Variants in TMEM132C observed in about 807,000 individuals in gnomAD.
TMEM132C encodes transmembrane protein 132C, also known as protein phosphatase 1, regulatory subunit 152.
In TMEM132C, 29 loss-of-function variants were observed where a neutral mutation model predicts 61.4. The ratio of observed to expected loss-of-function variants is 0.47; its 90% CI spans 0.35 to 0.64. The LOEUF is 0.64. Among genes scored for constraint, TMEM132C ranks in the 30% least tolerant of loss-of-function variants. TMEM132C has a pLI of 0.00. For missense variants in TMEM132C, 1,408 were observed against 1,476.9 expected, an observed-to-expected ratio of 0.95 and a Z score of 0.76; for synonymous variants, 656 against 633.1, an observed-to-expected ratio of 1.04 and a Z score of -0.54.
At position 128,566,189 on chromosome 12, in the gene TMEM132C, C is replaced by CAAAAAAAAAAAAAAAAAAA. The variant is rs59258589; in HGVS notation, c.1121+22104_1121+22105insAAAAAAAAAAAAAAAAAAA. 8.6e-4 allele frequency among the ~76,000 whole-genome samples: 58 copies of CAAAAAAAAAAAAAAAAAAA among 67,822 alleles called. 4 individuals are homozygous for CAAAAAAAAAAAAAAAAAAA. Among genetic ancestry groups the CAAAAAAAAAAAAAAAAAAA allele is most frequent in the East Asian group, 2.7e-3 (6 of 2,188 alleles). The allele number at this position is 67,822 out of a possible 152,430, so 44.5% of individuals were successfully genotyped here. The stretch of plus-strand genomic sequence containing the variant: ...ATAGGCATGAGACACCAAGCCTAAC[C>CAAAAAAAAAAAAAAAAAAA]AAAAAAAAAAAAAAAAAAGTTTTAA... On this transcript the variant is annotated intron_variant, in intron 3 of 8. Transcript: ENST00000435159.
At chr12:128,623,477 A>T (rs1953986687) in intron 4 of TMEM132C, among the ~76,000 whole-genome samples, 1 of 151,260 alleles carries the variant, frequency 6.6e-6, no homozygotes, top group Non-Finnish European at 1.5e-5. Context: ...CCAAAAAAAA[A>T]AGTAAAGCTA....
rs1018611586 is a variant in TMEM132C, at chr12:128,622,118, C to T, written c.1305+5783C>T. Among the ~76,000 whole-genome samples, 29 of 151,580 alleles carry T rather than the reference C, an allele frequency of 1.9e-4. No homozygotes were observed. The East Asian group carries it at 4.9e-3, about 26-fold the overall frequency. On this transcript the variant is annotated intron_variant, in intron 4 of 8. Coordinates refer to ENST00000435159, the MANE Select transcript of TMEM132C (RefSeq NM_001136103.3). ...CAGCACTTTGGGAAGCTGAGGTGGG[C>T]GAATCAACTGAGGTCAGGAGTTCAA... is the stretch of plus-strand genomic sequence containing the variant.
At chr12:128,681,567 C>A (rs1342195722) in intron 5 of TMEM132C, among the ~76,000 whole-genome samples, 2 of 151,946 alleles carry the variant, frequency 1.3e-5, no homozygotes, top group Non-Finnish European at 2.9e-5. Context: ...GACTTTCCAT[C>A]ACTTGGCTTA....
At chr12:128,293,258 C>G (rs1449097090) in intron 1 of TMEM132C, among the ~76,000 whole-genome samples, 3 of 152,144 alleles carry the variant, frequency 2.0e-5, no homozygotes, top group Admixed American at 6.5e-5. Flanking sequence ...TCTCAGGGGG[C>G]CGTTTCATTG....
intron 2 of TMEM132C, among the ~76,000 whole-genome samples, chr12:128,435,350 A>T (rs1375203381): frequency 1.3e-5 from 2 of 152,220 alleles, no homozygotes. Context: ...GGAAAAGAGG[A>T]AGTCAAATTG....
At chr12:128,690,862 C>T (rs1233003125) in intron 5 of TMEM132C, among the ~76,000 whole-genome samples, 1 of 152,182 alleles carries the variant, frequency 6.6e-6, no homozygotes, top group African/African-American at 2.4e-5. Flanking sequence ...TCTCTCAGCC[C>T]AGCCCTCACC....
chr12:128,284,016 C>G (rs1870980222), intron 1 of TMEM132C, among the ~76,000 whole-genome samples: 1 of 152,120 alleles, frequency 6.6e-6, no homozygotes, highest in Non-Finnish European at 1.5e-5. Context: ...TAGAAGAATC[C>G]TATAAAGTTC....
chr12:128,391,631 A>G (rs1381815412), intron 1 of TMEM132C, among the ~76,000 whole-genome samples: 1 of 152,210 alleles, frequency 6.6e-6, no homozygotes, highest in Non-Finnish European at 1.5e-5. Context: ...TGAACTATCC[A>G]TCATGAACCA....
chr12:128,593,652 T>G (rs970483639), intron 3 of TMEM132C, among the ~76,000 whole-genome samples: 3 of 152,196 alleles, frequency 2.0e-5, no homozygotes, highest in Non-Finnish European at 4.4e-5. Context: ...GGCATTGTTT[T>G]GAGGACTGTG....
chr12:128,617,319 T>C (rs1354821088), intron 4 of TMEM132C, among the ~76,000 whole-genome samples: 1 of 152,214 alleles, frequency 6.6e-6, no homozygotes, highest in Non-Finnish European at 1.5e-5. Flanking sequence ...AATGCCACGC[T>C]GGCTTCTTCA....
At chr12:128,618,186 TAA>T (rs2135585204) in intron 4 of TMEM132C, among the ~76,000 whole-genome samples, 1 of 152,320 alleles carries the variant, frequency 6.6e-6, no homozygotes, top group Non-Finnish European at 1.5e-5. Context: ...TTCAGAAGGA[TAA>T]GACATTCAAA....
intron 1 of TMEM132C, among the ~76,000 whole-genome samples, chr12:128,296,809 CTA>C (rs1374267105): frequency 1.3e-5 from 2 of 152,128 alleles, no homozygotes; most frequent in Non-Finnish European, 2.9e-5. Context: ...TTTAGCAAAA[CTA>C]TTTTTAAAAC....
intron 3 of TMEM132C, among the ~76,000 whole-genome samples, chr12:128,587,719 G>A (rs1875602080): frequency 2.0e-5 from 3 of 152,102 alleles, no homozygotes; most frequent in Non-Finnish European, 4.4e-5. Context: ...AGCTAATGAG[G>A]CACTCACTTT....
At chr12:128,416,050 G>A (rs1459205299) in intron 2 of TMEM132C, among the ~76,000 whole-genome samples, 1 of 152,132 alleles carries the variant, frequency 6.6e-6, no homozygotes, top group East Asian at 1.9e-4. Flanking sequence ...TGTGAAAAGA[G>A]CCAAACATAG....
Position 128,616,316 on chromosome 12 carries a change from G to C in TMEM132C, c.1286G>C (p.Gly429Ala). 6.4e-7 allele frequency: 1 copy of C among 1,551,806 alleles called. No individual in the cohort carries two copies. Among genetic ancestry groups the C allele is most frequent in the Non-Finnish European group, 8.7e-7 (1 of 1,146,932 alleles). The change falls in exon 4 of 9, where the codon GGC becomes GCC. Residue 429 changes from glycine (G) to alanine (A), a missense_variant. Gly to Ala is a moderately conservative substitution (Grantham distance 60). Transcript: ENST00000435159. ...TTTGTCAGCCAGAAGGACCTGGTGG[G>C]CATCGTTCCCTTGGCTATGGTGAGT... ...EIFVSQKDLV[G>A]IVPLAMDTEI...
intron 1 of TMEM132C, among the ~76,000 whole-genome samples, chr12:128,348,918 A>G (rs187692786): frequency 2.0e-5 from 3 of 152,352 alleles, no homozygotes; most frequent in Non-Finnish European, 4.4e-5. Flanking sequence ...CCAGTTGCCA[A>G]TTATGACATG....
At position 128,667,605 on chromosome 12, in the gene TMEM132C, A is replaced by G. The variant is rs184980833; in HGVS notation, c.1306-1812A>G. 2.6e-5 allele frequency among the ~76,000 whole-genome samples: 4 copies of G among 152,290 alleles called. No individual in the cohort carries two copies. The Middle Eastern group carries it at 0.01, about 388-fold the overall frequency. ...AATGCAAAAGGTCATTTTTGTGTCA[A>G]TTGCTTCCCTGGAGAAAGAACGGAG... On this transcript the variant is annotated intron_variant, in intron 4 of 8. Coordinates refer to ENST00000435159, the MANE Select transcript of TMEM132C (RefSeq NM_001136103.3).
At chr12:128,592,781 T>TG (rs781782555) in intron 3 of TMEM132C, among the ~76,000 whole-genome samples, 1 of 152,210 alleles carries the variant, frequency 6.6e-6, no homozygotes, top group African/African-American at 2.4e-5. Flanking sequence ...CCTTTTCTTA[T>TG]GGGCCATTTA....
chr12:128,622,329 G>A (rs1953969832), intron 4 of TMEM132C, among the ~76,000 whole-genome samples: 1 of 106,900 alleles, frequency 9.4e-6, no homozygotes, highest in African/African-American at 3.4e-5. Flanking sequence ...GGGTGACAGA[G>A]TGAGACTTTG....
Sources: gnomAD v4.1 joint callset for allele counts (sites outside exome capture counted in the v4.1 genomes callset) on GRCh38, gnomAD v4.1.1 for gene constraint, MANE v1.5 for transcripts, NCBI Gene and HGNC (gene_info 2026-07-23, HGNC 2026-07-21) for gene names.